Variants in ZNF493 observed in about 807,000 individuals in gnomAD.
ZNF493 encodes the protein zinc finger protein 493.
Under a neutral mutation model 12.2 loss-of-function variants are expected in ZNF493, and 11 were observed. That is an observed-to-expected ratio of 0.90 (90% confidence interval 0.57 to 1.50). The LOEUF is 1.50. Among genes scored for constraint, ZNF493 ranks in the 40% most tolerant of loss-of-function variants. The pLI, the probability that ZNF493 is intolerant of heterozygous loss-of-function variation, is 0.00. For missense variants in ZNF493, 950 were observed against 906.6 expected (o/e 1.05, Z -0.61); for synonymous variants, 286 against 302.6 (o/e 0.95, Z 0.57).
rs184432609 is a variant in ZNF493 at position 21,427,116 on chromosome 19, A to C, written c.*2132A>C. 1 of 167,106 alleles carries C rather than the reference A, an allele frequency of 6.0e-6. No individual in the cohort carries two copies. Among genetic ancestry groups the C allele is most frequent in the African/African-American group, 2.4e-5 (1 of 41,582 alleles). The allele number at this position is 167,106 out of a possible 1,614,324, so 10.4% of individuals were successfully genotyped here. On this transcript the variant is annotated 3_prime_UTR_variant, in exon 4 of 4. Coordinates refer to ENST00000392288, the MANE Select transcript of ZNF493 (RefSeq NM_001076678.3). ...CTTCATTAGATGGGCATTATTTATGATCTTTTCTATGGATGAGTAAGAATA... is the reference window on the plus strand; with the variant it reads ...CTTCATTAGATGGGCATTATTTATGCTCTTTTCTATGGATGAGTAAGAATA...
chr19:21,405,501 T>C, intron 2 of ZNF493: 1 of 1,335,606 alleles, frequency 7.5e-7, no homozygotes, highest in Non-Finnish European at 9.5e-7. Flanking sequence ...TTTCAGAAAT[T>C]TAGTAGTATA....
chr19:21,420,591 T>TATATATATA (rs2030628079), intron 3 of ZNF493, among the ~76,000 whole-genome samples: 5 of 10,682 alleles, frequency 4.7e-4, no homozygotes, highest in African/African-American at 1.9e-3. Flanking sequence ...ACTCACTTGA[T>TATATATATA]TATATATATA....
At chr19:21,398,212 A>T (rs1974203942) in intron 1 of ZNF493, 1 of 152,550 alleles carries the variant, frequency 6.6e-6, no homozygotes, top group Admixed American at 6.5e-5. Context: ...AATTCACATT[A>T]TCGCCTATTT....
In ZNF493 at chr19:21,397,469, T is replaced by C. The variant is rs1281555654; in HGVS notation, c.30+202T>C. The C allele has an allele frequency of 1.0e-5, 7 of 677,794 alleles. No individual in the cohort carries two copies. In the Admixed American group the frequency reaches 1.6e-4, roughly 15 times the overall value. The allele number at this position is 677,794 out of a possible 1,614,324, so 42.0% of individuals were successfully genotyped here. ...CAGCCGGGGCCCCGGGCGTCCTGTC[T>C]CTTCCCTGCACTGTGACTGTGCCCT... On this transcript the variant is annotated intron_variant, in intron 1 of 3. Coordinates refer to ENST00000392288, the MANE Select transcript of ZNF493 (RefSeq NM_001076678.3).
intron 3 of ZNF493, among the ~76,000 whole-genome samples, chr19:21,415,446 T>C (rs1402427923): frequency 1.3e-5 from 2 of 152,196 alleles, no homozygotes; most frequent in African/African-American, 4.8e-5. Context: ...ATATTGTTCC[T>C]TTCTGTGGCA....
chr19:21,419,473 G>A (rs560808662), intron 3 of ZNF493, among the ~76,000 whole-genome samples: 1 of 152,288 alleles, frequency 6.6e-6, no homozygotes, highest in East Asian at 1.9e-4. Context: ...GTCAGTCTGA[G>A]TCCCAAAACT....
At chr19:21,405,342 C>T in intron 2 of ZNF493, 87 bp downstream of exon 2, 1 of 1,543,278 alleles carries the variant, frequency 6.5e-7, no homozygotes. Flanking sequence ...GTAATTTATG[C>T]TTTGCATAAG....
At chr19:21,420,596 T>TATATATATATATATATATATAA (rs1417775262) in intron 3 of ZNF493, among the ~76,000 whole-genome samples, 1 of 8,988 alleles carries the variant, frequency 1.1e-4, no homozygotes, top group African/African-American at 7.8e-4. Context: ...CTTGATTATA[T>TATATATATATATATATATATAA]ATATATATAT....
Position 21,412,911 on chromosome 19 carries a change from A to G in ZNF493, c.253+7055A>G, listed in dbSNP as rs1481631355. On this transcript the variant is annotated intron_variant, in intron 3 of 3. Coordinates refer to ENST00000392288, the MANE Select transcript of ZNF493 (RefSeq NM_001076678.3). The stretch of plus-strand genomic sequence containing the variant: ...AATCCTTGTGTTTAGCTCCTACAGC[A>G]GGCCTTATCATTTGAGGTCGAGGTG... The G allele has an allele frequency of 3.7e-5, 16 of 436,180 alleles. No homozygotes were observed. The East Asian group carries it at 6.7e-4, about 18-fold the overall frequency. 27.0% of individuals were successfully genotyped at this position (436,180 alleles called of 1,614,324 possible).
intron 2 of ZNF493, 134 bp downstream of exon 2, chr19:21,405,389 A>C: frequency 6.7e-7 from 1 of 1,487,938 alleles, no homozygotes; most frequent in African/African-American, 1.4e-5. Context: ...AATCTTGAAG[A>C]ACTGTCCGTG....
intron 3 of ZNF493, chr19:21,413,142 G>T: frequency 3.4e-6 from 1 of 295,760 alleles, no homozygotes; most frequent in Non-Finnish European, 6.4e-6. Context: ...TGCCTGTTCT[G>T]CAATGCAATC....
chr19:21,422,505 C>A (rs1293699468), intron 3 of ZNF493, among the ~76,000 whole-genome samples: 1 of 147,240 alleles, frequency 6.8e-6, no homozygotes, highest in Non-Finnish European at 1.5e-5. Context: ...CTCTGTTCCC[C>A]AGGCTGTAGT....
intron 3 of ZNF493, chr19:21,412,281 T>C (rs2030349075): frequency 6.6e-6 from 1 of 152,290 alleles, no homozygotes; most frequent in African/African-American, 2.4e-5. Flanking sequence ...GGGCTAGTTA[T>C]CTGCAGCAGG....
At chr19:21,409,817 C>T (rs758606380) in intron 3 of ZNF493, among the ~76,000 whole-genome samples, 6 of 152,062 alleles carry the variant, frequency 3.9e-5, no homozygotes, top group South Asian at 4.1e-4. Context: ...AAAAGTTTTA[C>T]ATCTTGTGAA....
At position 21,425,766 on chromosome 19, in the gene ZNF493, A is replaced by G. The variant is rs890030158; in HGVS notation, c.*782A>G. On this transcript the variant is annotated 3_prime_UTR_variant, in exon 4 of 4. Coordinates refer to ENST00000392288, the MANE Select transcript of ZNF493 (RefSeq NM_001076678.3). ...ACATAAGATAACTCATACTGGAGAA[A>G]AATCTTACAAATGTGAAGAATGTGG... is the stretch of plus-strand genomic sequence containing the variant. The G allele has an allele frequency of 1.2e-5, 7 of 591,398 alleles. No individual in the cohort carries two copies. In the African/African-American group the frequency reaches 1.3e-4, roughly 11 times the overall value. The allele number at this position is 591,398 out of a possible 1,614,324, so 36.6% of individuals were successfully genotyped here.
At chr19:21,405,668 A>T in intron 2 of ZNF493, 93 bp from the exon 3 acceptor site, 3 of 1,145,092 alleles carry the variant, frequency 2.6e-6, no homozygotes, top group Middle Eastern at 4.3e-4. Context: ...ATTTTCTAGA[A>T]TATTCTATTA....
At chr19:21,409,786 A>G (rs544076682) in intron 3 of ZNF493, among the ~76,000 whole-genome samples, 1 of 152,208 alleles carries the variant, frequency 6.6e-6, no homozygotes, top group South Asian at 2.1e-4. Flanking sequence ...GTATATTCAC[A>G]TTGTTATGCA....
intron 3 of ZNF493, chr19:21,408,785 A>G: frequency 7.1e-6 from 7 of 983,916 alleles, no homozygotes; most frequent in Non-Finnish European, 8.4e-6. Context: ...AAAGATAGCC[A>G]TATGTCTATC....
intron 3 of ZNF493, among the ~76,000 whole-genome samples, chr19:21,417,544 A>G (rs953173836): frequency 2.6e-5 from 4 of 152,188 alleles, no homozygotes; most frequent in Non-Finnish European, 4.4e-5. Flanking sequence ...TGTAAAATCC[A>G]TATACGGTTC....
Sources: allele counts gnomAD v4.1 joint callset (sites outside exome capture counted in the v4.1 genomes callset), GRCh38; gene constraint gnomAD v4.1.1; transcripts MANE v1.5; gene names NCBI Gene and HGNC (gene_info 2026-07-23, HGNC 2026-07-21).